USP38: variants seen among roughly 807,000 people sequenced by gnomAD.
USP38 encodes the protein ubiquitin specific peptidase 38, also known as ubiquitin carboxyl-terminal hydrolase 38.
In USP38, 49 loss-of-function variants were observed where a neutral mutation model predicts 94.3. That is an observed-to-expected ratio of 0.52 (90% CI 0.41 to 0.66). The LOEUF is 0.66. Ranked by LOEUF, USP38 falls within the 30% of genes least tolerant of loss-of-function variation. The pLI, the probability that USP38 is intolerant of heterozygous loss-of-function variation, is 0.00. For missense variants in USP38, 1,128 were observed against 1,229.4 expected (o/e 0.92, Z 1.23); for synonymous variants, 468 against 463.6 (o/e 1.01, Z -0.12).
At chr4:143,192,571 T>C (rs1043548555) in intron 2 of USP38, among the ~76,000 whole-genome samples, 6 of 144,142 alleles carry the variant, frequency 4.2e-5, no homozygotes, top group African/African-American at 1.1e-4. Flanking sequence ...TTTTTTTTTT[T>C]CATTAAATTG....
rs1331816342 is a variant in USP38 at position 143,222,467 on chromosome 4, G to GTGCTATGTAGTGCTATGTAGCACATAC, written c.*2012_*2013insGCTATGTAGTGCTATGTAGCACATACT. ...TTAGATATGATTGCATAGCACTTAC[G>GTGCTATGTAGTGCTATGTAGCACATAC]TTGTGCTATGTAGTTGTTATATTGT... On this transcript the variant is annotated 3_prime_UTR_variant, in exon 10 of 10. Coordinates refer to ENST00000307017, the MANE Select transcript of USP38 (RefSeq NM_032557.6). 1 of 151,892 alleles carries GTGCTATGTAGTGCTATGTAGCACATAC rather than the reference G, an allele frequency of 6.6e-6. No individual in the cohort carries two copies. The highest frequency in any genetic ancestry group is 1.5e-5 in the Non-Finnish European group (1 of 67,940). 9.4% of individuals were successfully genotyped at this position (151,892 alleles called of 1,614,324 possible).
intron 9 of USP38, 136 bp from the exon 10 acceptor site, chr4:143,220,156 TAGG>T: frequency 1.1e-6 from 1 of 922,444 alleles, no homozygotes; most frequent in Non-Finnish European, 1.5e-6. Context: ...TTTTTTTTCT[TAGG>T]TGCTTTAGTT....
chr4:143,218,848 A>G lies in USP38; in HGVS notation c.2968-1447A>G, dbSNP rs189497169. Among the ~76,000 whole-genome samples the G allele has an allele frequency of 1.5e-3, 231 of 152,208 alleles. 1 individual carries two copies. The highest frequency in any genetic ancestry group is 5.3e-3 in the African/African-American group (221 of 41,562). On this transcript the variant is annotated intron_variant, in intron 9 of 9. Transcript: ENST00000307017. ...TTCTCAGATACAGAGTCATAGTTTC[A>G]TCGCTTGTTTGGATAGTTTAATAGG...
At chr4:143,211,939 T>C (rs909330127) in intron 7 of USP38, among the ~76,000 whole-genome samples, 39 of 152,294 alleles carry the variant, frequency 2.6e-4, no homozygotes, top group African/African-American at 9.4e-4. Context: ...ATTAATCTTT[T>C]TTAGATTTGA....
intron 2 of USP38, among the ~76,000 whole-genome samples, chr4:143,188,557 G>C (rs755635169): frequency 2.0e-5 from 3 of 152,046 alleles, no homozygotes; most frequent in Non-Finnish European, 4.4e-5. Flanking sequence ...TAGTCAGCTT[G>C]TCTGGAAACT....
intron 2 of USP38, among the ~76,000 whole-genome samples, chr4:143,189,045 AAG>A (rs953327269): frequency 1.3e-5 from 2 of 152,020 alleles, no homozygotes; most frequent in Admixed American, 6.5e-5. Context: ...AGCAGACAAA[AAG>A]AGGGATAGGA....
intron 7 of USP38, 88 bp downstream of exon 7, chr4:143,209,745 A>G: frequency 1.4e-6 from 1 of 727,042 alleles, no homozygotes; most frequent in Admixed American, 3.3e-5. Context: ...TTTTTAACTG[A>G]TGAAATAATA....
At position 143,206,127 on chromosome 4, in the gene USP38, G is replaced by A. The variant is rs768442765; in HGVS notation, c.1304G>A (p.Arg435Lys). 1.2e-6 allele frequency: 2 copies of A among 1,613,682 alleles called. No individual in the cohort carries two copies. The highest frequency in any genetic ancestry group is 1.7e-6 in the Non-Finnish European group (2 of 1,179,852). ...QSNSLASCLSRLSGKSETGKT... is the reference protein window; with the variant it reads ...QSNSLASCLSKLSGKSETGKT... ...AATTCTTTGGCGTCTTGCTTGTCTA[G>A]ACTTTCTGGAAAATCTGAAACTGGG... Residue 435 changes from arginine to lysine, a missense_variant, in exon 6 of 10, where the codon AGA becomes AAA. Physicochemically the swap from Arg to Lys is conservative, Grantham distance 26 (BLOSUM62 2). Transcript: ENST00000307017.
chr4:143,214,835 T>C lies in USP38; in HGVS notation c.2859T>C (p.Asn953=). The C allele has an allele frequency of 6.2e-7, 1 of 1,613,686 alleles. No homozygotes were observed. ...VLLYKKQHST[N]GLSGNNPTSG... Reference sequence around the variant, plus strand: ...TGTATAAAAAACAGCATAGTACTAATGGTTTAAGTGGTAATAACCCAACCA... The same window carrying C: ...TGTATAAAAAACAGCATAGTACTAACGGTTTAAGTGGTAATAACCCAACCA... Residue 953 remains asparagine, a synonymous_variant, in exon 9 of 10, where the codon AAT becomes AAC. Transcript: ENST00000307017.
chr4:143,188,789 A>G (rs551647628), intron 2 of USP38, among the ~76,000 whole-genome samples: 1 of 152,144 alleles, frequency 6.6e-6, no homozygotes, highest in Admixed American at 6.5e-5. Flanking sequence ...CTTGCATTCT[A>G]GTTGGGGAGG....
intron 9 of USP38, among the ~76,000 whole-genome samples, chr4:143,216,478 AT>A (rs34645894): frequency 0.12 from 18,027 of 144,672 alleles, 1,559 homozygotes; most frequent in African/African-American, 0.26. Flanking sequence ...TAAATATTCA[AT>A]TTTTTTTTTT....
At chr4:143,191,089 T>C (rs1038991248) in intron 2 of USP38, among the ~76,000 whole-genome samples, 2 of 152,156 alleles carry the variant, frequency 1.3e-5, no homozygotes, top group Admixed American at 6.5e-5. Context: ...TAATTACTCT[T>C]ATACAGAAAA....
chr4:143,217,911 C>T (rs1195968367), intron 9 of USP38, among the ~76,000 whole-genome samples: 1 of 151,780 alleles, frequency 6.6e-6, no homozygotes, highest in Admixed American at 6.6e-5. Flanking sequence ...TATTTATTTC[C>T]CCTTCATATA....
At chr4:143,199,196 C>G (rs1353678758) in intron 4 of USP38, among the ~76,000 whole-genome samples, 1 of 152,028 alleles carries the variant, frequency 6.6e-6, no homozygotes, top group African/African-American at 2.4e-5. Flanking sequence ...TTCATGAGTT[C>G]TCACCATTTA....
Position 143,214,127 on chromosome 4 carries a change from A to G in USP38, c.2151A>G (p.Ser717=). 6.2e-7 allele frequency: 1 copy of G among 1,612,912 alleles called. No individual in the cohort carries two copies. Among genetic ancestry groups the G allele is most frequent in the Non-Finnish European group, 8.5e-7 (1 of 1,179,628 alleles). The change falls in exon 9 of 10, where the codon TCA becomes TCG. Residue 717 remains serine, a synonymous_variant. Coordinates refer to ENST00000307017, the MANE Select transcript of USP38 (RefSeq NM_032557.6). Reference sequence around the variant, plus strand: ...AACCAGGAGGTGAAACCACACCTTCAGTAACTGACTTACTAAATTATTTTT... The same window carrying G: ...AACCAGGAGGTGAAACCACACCTTCGGTAACTGACTTACTAAATTATTTTT... ...PQKPGGETTP[S]VTDLLNYFLA...
chr4:143,204,038 G>A (rs981738115), intron 5 of USP38, among the ~76,000 whole-genome samples: 6 of 151,098 alleles, frequency 4.0e-5, no homozygotes, highest in Non-Finnish European at 7.4e-5. Context: ...CTGGAGTGCA[G>A]TGGTACCATT....
Position 143,187,944 on chromosome 4 carries a change from G to A in USP38, c.801G>A (p.Met267Ile). Reference sequence around the variant, plus strand: ...ATCCAAATGTAAAAGATGCAAGTATGACCCAAGCCCTTTGCAGGTACTTCT... The same window carrying A: ...ATCCAAATGTAAAAGATGCAAGTATAACCCAAGCCCTTTGCAGGTACTTCT... ...TTDPNVKDAS[M>I]TQALCRMIDW... is the part of the protein sequence containing the mutation. Residue 267 changes from methionine (M) to isoleucine (I), a missense_variant, in exon 2 of 10, where the codon ATG becomes ATA. Coordinates refer to ENST00000307017, the MANE Select transcript of USP38 (RefSeq NM_032557.6). The A allele has an allele frequency of 6.2e-7, 1 of 1,613,006 alleles. No homozygotes were observed. Among genetic ancestry groups the A allele is most frequent in the Non-Finnish European group, 8.5e-7 (1 of 1,179,498 alleles).
At chr4:143,207,600 A>C (rs1055177221) in intron 6 of USP38, among the ~76,000 whole-genome samples, 1 of 152,108 alleles carries the variant, frequency 6.6e-6, no homozygotes, top group Non-Finnish European at 1.5e-5. Flanking sequence ...TCCAGATTAT[A>C]ATATCAGCAC....
intron 2 of USP38, among the ~76,000 whole-genome samples, 175 bp from the exon 3 acceptor site, chr4:143,195,541 T>G: frequency 6.6e-6 from 1 of 152,244 alleles, no homozygotes; most frequent in East Asian, 1.9e-4. Flanking sequence ...GATTGGAAAT[T>G]CCATGAGAAC....
Sources: gnomAD v4.1 joint callset for allele counts (sites outside exome capture counted in the v4.1 genomes callset) on GRCh38, gnomAD v4.1.1 for gene constraint, MANE v1.5 for transcripts, NCBI Gene and HGNC (gene_info 2026-07-23, HGNC 2026-07-21) for gene names.